The following RND3 variants were observed in gnomAD, a reference collection of about 807,000 sequenced individuals.
RND3 encodes rho-related GTP-binding protein RhoE.
Under a neutral mutation model 26.5 loss-of-function variants are expected in RND3, and 8 were observed. That is an observed-to-expected ratio of 0.30 (90% CI 0.18 to 0.54). RND3 has a LOEUF of 0.54. RND3 is among the 20% of genes least tolerant of loss of function. RND3 has a pLI of 0.94. For synonymous variants in RND3, 113 were observed against 113.0 expected (o/e 1.00, Z 0.00); for missense variants, 207 against 302.8 (o/e 0.68, Z 2.35).
At chr2:150,478,578 GC>G (rs1258341614) in intron 3 of RND3, among the ~76,000 whole-genome samples, 14 of 74,168 alleles carry the variant, frequency 1.9e-4, no homozygotes, top group African/African-American at 3.9e-4. Context: ...AAGCCAAACG[GC>G]AAAAAAAAAA....
Position 150,470,067 on chromosome 2 carries a change from G to A in RND3, c.655C>T (p.His219Tyr), listed in dbSNP as rs1686058619. Reference protein sequence around the residue: ...KSQRATKRISHMPSRPELSAV... With the variant: ...KSQRATKRISYMPSRPELSAV... ...GAGAGTTCTGGTCTGCTAGGCATGT[G>A]TGAAATCCGCTTTGTGGCTCTCTGT... Residue 219 changes from histidine (H) to tyrosine (Y), a missense_variant, in exon 6 of 6, where the codon CAC becomes TAC. By Grantham distance (83) the His-to-Tyr change is moderately conservative (BLOSUM62 2). Transcript: ENST00000263895. 6.2e-7 allele frequency: 1 copy of A among 1,613,958 alleles called. No individual in the cohort carries two copies. Among genetic ancestry groups the A allele is most frequent in the Non-Finnish European group, 8.5e-7 (1 of 1,179,974 alleles).
chr2:150,469,180 C>T lies in RND3; in HGVS notation c.*807G>A, dbSNP rs547236468. Reference sequence around the variant, plus strand: ...TTATTTGACTTTGCATTTTTATCAACGATGGCAAAAAATCACACAACTTCT... The same window carrying T: ...TTATTTGACTTTGCATTTTTATCAATGATGGCAAAAAATCACACAACTTCT... On this transcript the variant is annotated 3_prime_UTR_variant, in exon 6 of 6. Transcript: ENST00000263895. The T allele has an allele frequency of 4.6e-5, 7 of 152,616 alleles. No individual in the cohort carries two copies. Among genetic ancestry groups the T allele is most frequent in the South Asian group, 2.1e-4 (1 of 4,826 alleles). 9.5% of individuals were successfully genotyped at this position (152,616 alleles called of 1,614,324 possible). A position where few individuals can be genotyped will look rare whatever the true frequency, so the allele number is the denominator to read the frequency against.
rs1186371471 is a variant in RND3 at position 150,468,303 on chromosome 2, T to C, written c.*1684A>G. ...AACATACACAGTGACTTCAACAGTT[T>C]AAAAAATGCAACAAAAGTTCTGCTT... On this transcript the variant is annotated 3_prime_UTR_variant, in exon 6 of 6. Transcript: ENST00000263895. 6.6e-6 allele frequency: 1 copy of C among 152,634 alleles called. No homozygotes were observed. Among genetic ancestry groups the C allele is most frequent in the Non-Finnish European group, 1.5e-5 (1 of 68,042 alleles). 9.5% of individuals were successfully genotyped at this position (152,634 alleles called of 1,614,324 possible).
At position 150,469,258 on chromosome 2, in the gene RND3, T is replaced by A. The variant is rs1686041155; in HGVS notation, c.*729A>T. The A allele has an allele frequency of 6.6e-6, 1 of 152,582 alleles. No homozygotes were observed. Among genetic ancestry groups the A allele is most frequent in the Non-Finnish European group, 1.5e-5 (1 of 68,022 alleles). The allele number at this position is 152,582 out of a possible 1,614,324, so 9.5% of individuals were successfully genotyped here. On this transcript the variant is annotated 3_prime_UTR_variant, in exon 6 of 6. Coordinates refer to ENST00000263895, the MANE Select transcript of RND3 (RefSeq NM_005168.5). Reference sequence around the variant, plus strand: ...GCAATTTACCACTTTTTAATGACAATCACAATGAAGAACAGAACCATCAGA... The same window carrying A: ...GCAATTTACCACTTTTTAATGACAAACACAATGAAGAACAGAACCATCAGA...
At chr2:150,478,105 TCA>T (rs1415893144) in intron 3 of RND3, among the ~76,000 whole-genome samples, 8 of 152,122 alleles carry the variant, frequency 5.3e-5, no homozygotes, top group African/African-American at 1.9e-4. Context: ...CTCTATTTAT[TCA>T]CAGTGAAAAA....
At chr2:150,482,225 T>G (rs1034736000) in intron 3 of RND3, among the ~76,000 whole-genome samples, 1 of 152,236 alleles carries the variant, frequency 6.6e-6, no homozygotes, top group African/African-American at 2.4e-5. Context: ...GTTAAAAAGC[T>G]GGAATGAATG....
At chr2:150,484,041 A>G (rs903767973) in intron 3 of RND3, among the ~76,000 whole-genome samples, 1 of 152,192 alleles carries the variant, frequency 6.6e-6, no homozygotes, top group Non-Finnish European at 1.5e-5. Context: ...TTCATTTCAG[A>G]TGATTATCTT....
chr2:150,475,405 C>T (rs1262662536), intron 3 of RND3, among the ~76,000 whole-genome samples: 1 of 152,160 alleles, frequency 6.6e-6, no homozygotes, highest in South Asian at 2.1e-4. Context: ...AACATACATA[C>T]CTGAGATTAA....
chr2:150,487,160 C>CTTTTTT, intron 2 of RND3, 108 bp downstream of exon 2: 1 of 487,910 alleles, frequency 2.0e-6, no homozygotes, highest in Non-Finnish European at 3.1e-6. Context: ...TTTTTTTTTT[C>CTTTTTT]TTTTTTTTTT....
At chr2:150,478,625 T>C (rs1573955206) in intron 3 of RND3, among the ~76,000 whole-genome samples, 1 of 146,618 alleles carries the variant, frequency 6.8e-6, no homozygotes, top group African/African-American at 2.6e-5. Flanking sequence ...TTTTAAAAGA[T>C]GCACATGAAA....
At chr2:150,471,786 T>A in intron 4 of RND3, 25 bp from the exon 5 acceptor site, 2 of 1,563,632 alleles carry the variant, frequency 1.3e-6, no homozygotes, top group East Asian at 2.2e-5. Flanking sequence ...AAAAAAAGAT[T>A]AAAAATGAAC....
chr2:150,485,317 T>A (rs1186333914), intron 3 of RND3: 1 of 152,312 alleles, frequency 6.6e-6, no homozygotes, highest in Non-Finnish European at 1.5e-5. Context: ...GGCGACCCTG[T>A]CAGTCTGGTT....
intron 3 of RND3, among the ~76,000 whole-genome samples, chr2:150,477,118 C>T (rs926214083): frequency 2.0e-5 from 3 of 152,152 alleles, no homozygotes; most frequent in African/African-American, 7.2e-5. Flanking sequence ...GAAGGCAAAG[C>T]TGCCAACAGT....
Position 150,468,485 on chromosome 2 carries a change from T to C in RND3, c.*1502A>G, listed in dbSNP as rs1686027214. ...TTTATGGGAAATGACTGGAATCGAATTTTCTTGCAGAGACAAGACAAAGTG... is the reference window on the plus strand; with the variant it reads ...TTTATGGGAAATGACTGGAATCGAACTTTCTTGCAGAGACAAGACAAAGTG... On this transcript the variant is annotated 3_prime_UTR_variant, in exon 6 of 6. Coordinates refer to ENST00000263895, the MANE Select transcript of RND3 (RefSeq NM_005168.5). 1 of 152,626 alleles carries C rather than the reference T, an allele frequency of 6.6e-6. No homozygotes were observed. The highest frequency in any genetic ancestry group is 1.5e-5 in the Non-Finnish European group (1 of 68,034). 9.5% of individuals were successfully genotyped at this position (152,626 alleles called of 1,614,324 possible).
chr2:150,487,258 C>T lies in RND3; in HGVS notation c.150+10G>A, dbSNP rs546272441. Reference sequence around the variant, plus strand: ...ACCCCCTCGTGGAAGCCGCGGCCGGCCACACTCACCTCGGGGAAGCAGTCC... The same window carrying T: ...ACCCCCTCGTGGAAGCCGCGGCCGGTCACACTCACCTCGGGGAAGCAGTCC... On this transcript the variant is annotated intron_variant, in intron 2 of 5. Coordinates refer to ENST00000263895, the MANE Select transcript of RND3 (RefSeq NM_005168.5). 1.3e-6 allele frequency: 2 copies of T among 1,573,376 alleles called. No individual in the cohort carries two copies. Among genetic ancestry groups the T allele is most frequent in the South Asian group, 2.4e-5 (2 of 84,026 alleles).
Position 150,474,955 on chromosome 2 carries a change from G to A in RND3, c.268C>T (p.Leu90Phe). 1 of 1,613,014 alleles carries A rather than the reference G, an allele frequency of 6.2e-7. No individual in the cohort carries two copies. The highest frequency in any genetic ancestry group is 8.5e-7 in the Non-Finnish European group (1 of 1,179,136). The change falls in exon 4 of 6, where the codon CTC (leucine) becomes TTC (phenylalanine). Residue 90 changes from leucine (L) to phenylalanine (F), a missense_variant. Coordinates refer to ENST00000263895, the MANE Select transcript of RND3 (RefSeq NM_005168.5). ...ACAGCATCCGAATCAGGGTAAGAGA[G>A]GGGGCGGACATTGTCATAGTAAGGA... ...GSPYYDNVRP[L>F]SYPDSDAVLI...
At chr2:150,487,120 C>G (rs1380510431) in intron 2 of RND3, 148 bp downstream of exon 2, 1 of 700,618 alleles carries the variant, frequency 1.4e-6, no homozygotes, top group Non-Finnish European at 2.3e-6. Flanking sequence ...GCAGTCTAAT[C>G]AGGGGAAAGT....
chr2:150,487,207 C>T, intron 2 of RND3, 61 bp downstream of exon 2: 3 of 1,318,690 alleles, frequency 2.3e-6, no homozygotes, highest in East Asian at 2.6e-5. Flanking sequence ...GGGAGGCCCA[C>T]CTCGGGACTG....
At chr2:150,478,862 T>G (rs370024619) in intron 3 of RND3, among the ~76,000 whole-genome samples, 1 of 152,192 alleles carries the variant, frequency 6.6e-6, no homozygotes, top group Non-Finnish European at 1.5e-5. Flanking sequence ...ATAGGCTTCA[T>G]GCATATGGAA....
Sources: gnomAD v4.1 joint callset for allele counts (sites outside exome capture counted in the v4.1 genomes callset) on GRCh38, gnomAD v4.1.1 for gene constraint, MANE v1.5 for transcripts, NCBI Gene and HGNC (gene_info 2026-07-23, HGNC 2026-07-21) for gene names.